CNTNAP2: variants seen among roughly 807,000 people sequenced by gnomAD.
The protein encoded by CNTNAP2 is contactin associated protein 2.
In CNTNAP2, 98 loss-of-function variants were observed where a neutral mutation model predicts 155.2. The ratio of observed to expected loss-of-function variants is 0.63; its 90% CI spans 0.54 to 0.75. CNTNAP2 has a LOEUF of 0.75. Ranked by LOEUF, CNTNAP2 falls within the 30% of genes least tolerant of loss-of-function variation. The probability of loss-of-function intolerance (pLI) is 0.00; values close to 1 mark genes in which losing one functional copy is unlikely to be tolerated. For synonymous variants in CNTNAP2, 651 were observed against 631.2 expected (o/e 1.03, Z -0.47); for missense variants, 1,727 against 1,688.1 (o/e 1.02, Z -0.40).
rs556036363 is a variant in CNTNAP2 at position 147,110,689 on chromosome 7, C to T, written c.754+2339C>T. ...TAGCCTCCAGCTCCATCCATGTGCC[C>T]GCAAAGGACAGGATCTCATTCCTTT... is the stretch of plus-strand genomic sequence containing the variant. On this transcript the variant is annotated intron_variant, in intron 5 of 23. Coordinates refer to ENST00000361727, the MANE Select transcript of CNTNAP2 (RefSeq NM_014141.6). Among the ~76,000 whole-genome samples the T allele has an allele frequency of 3.5e-4, 53 of 152,158 alleles. 1 individual carries two copies. The highest frequency in any genetic ancestry group is 1.0e-3 in the Admixed American group (16 of 15,282).
At chr7:146,445,425 ACCT>A (rs2129120897) in intron 1 of CNTNAP2, among the ~76,000 whole-genome samples, 1 of 152,324 alleles carries the variant, frequency 6.6e-6, no homozygotes, top group Non-Finnish European at 1.5e-5. Context: ...GAAACAGAAT[ACCT>A]TATATAATAG....
chr7:148,172,553 A>C, intron 18 of CNTNAP2, 75 bp downstream of exon 18: 1 of 1,283,376 alleles, frequency 7.8e-7, no homozygotes, highest in Non-Finnish European at 1.1e-6. Flanking sequence ...ATGATTTTTC[A>C]TATGTAAACA....
At chr7:147,572,643 C>T (rs1032507394) in intron 12 of CNTNAP2, among the ~76,000 whole-genome samples, 2 of 151,984 alleles carry the variant, frequency 1.3e-5, no homozygotes, top group African/African-American at 2.4e-5. Context: ...ACCTCTGGCA[C>T]TTGGAATCTG....
At chr7:146,424,876 A>C (rs1229853102) in intron 1 of CNTNAP2, among the ~76,000 whole-genome samples, 2 of 152,238 alleles carry the variant, frequency 1.3e-5, no homozygotes, top group African/African-American at 2.4e-5. Flanking sequence ...TACCCTATGT[A>C]GTCATTAAAA....
At chr7:146,872,630 C>A (rs1357505279) in intron 3 of CNTNAP2, among the ~76,000 whole-genome samples, 2 of 152,224 alleles carry the variant, frequency 1.3e-5, no homozygotes, top group East Asian at 3.9e-4. Flanking sequence ...TTGGATAGTG[C>A]ATGCTTAGCT....
At chr7:146,458,414 C>A (rs1464693205) in intron 1 of CNTNAP2, among the ~76,000 whole-genome samples, 1 of 152,022 alleles carries the variant, frequency 6.6e-6, no homozygotes, top group Non-Finnish European at 1.5e-5. Flanking sequence ...AATACGAAAA[C>A]CACGCAGGAA....
intron 8 of CNTNAP2, among the ~76,000 whole-genome samples, chr7:147,138,193 T>C (rs540819021): frequency 6.6e-6 from 1 of 151,984 alleles, no homozygotes; most frequent in Admixed American, 6.6e-5. Context: ...TCTGTATTCT[T>C]AGGGCGAAAA....
chr7:147,097,048 A>G (rs76659843), intron 4 of CNTNAP2, among the ~76,000 whole-genome samples: 7,154 of 152,292 alleles, frequency 0.047, 589 homozygotes, highest in African/African-American at 0.16. Context: ...TTGTTGTAAT[A>G]TATTGCACCA....
intron 1 of CNTNAP2, among the ~76,000 whole-genome samples, chr7:146,501,087 A>C (rs944578120): frequency 5.9e-5 from 9 of 151,688 alleles, no homozygotes; most frequent in African/African-American, 2.2e-4. Flanking sequence ...CTGGTGTATA[A>C]ATTTTTGTAT....
At chr7:147,685,112 T>C (rs1795998547) in intron 13 of CNTNAP2, among the ~76,000 whole-genome samples, 1 of 152,032 alleles carries the variant, frequency 6.6e-6, no homozygotes, top group Non-Finnish European at 1.5e-5. Context: ...TGTTTAAAGC[T>C]ATAAAAGCAA....
chr7:147,641,971 T>G (rs1420711697), intron 13 of CNTNAP2, among the ~76,000 whole-genome samples: 1 of 151,892 alleles, frequency 6.6e-6, no homozygotes, highest in African/African-American at 2.4e-5. Flanking sequence ...CACAACTCTT[T>G]TTTCTGTTCA....
At chr7:147,696,317 C>T (rs74777212) in intron 13 of CNTNAP2, among the ~76,000 whole-genome samples, 1 of 152,016 alleles carries the variant, frequency 6.6e-6, no homozygotes, top group Admixed American at 6.6e-5. Flanking sequence ...TGACTCTATC[C>T]TCTCTCTTTT....
intron 1 of CNTNAP2, among the ~76,000 whole-genome samples, chr7:146,628,490 G>C (rs907208449): frequency 1.3e-5 from 2 of 152,004 alleles, no homozygotes; most frequent in Non-Finnish European, 2.9e-5. Context: ...TGGATGTAAA[G>C]TATTGTCAAT....
chr7:146,524,697 C>T (rs1797662533), intron 1 of CNTNAP2, among the ~76,000 whole-genome samples: 1 of 152,120 alleles, frequency 6.6e-6, no homozygotes, highest in African/African-American at 2.4e-5. Context: ...TATCTCATCT[C>T]ATGTTATTTG....
chr7:147,329,728 A>T (rs1406275579), intron 9 of CNTNAP2, among the ~76,000 whole-genome samples: 1 of 151,082 alleles, frequency 6.6e-6, no homozygotes, highest in Non-Finnish European at 1.5e-5. Flanking sequence ...GTATATCTCA[A>T]TTTTTTTTTT....
chr7:147,751,417 AG>A (rs1797133470), intron 13 of CNTNAP2, among the ~76,000 whole-genome samples: 1 of 151,854 alleles, frequency 6.6e-6, no homozygotes, highest in African/African-American at 2.4e-5. Flanking sequence ...AAAGGAAATT[AG>A]TCTTTAAAAT....
chr7:146,540,059 A>T (rs1408939847), intron 1 of CNTNAP2, among the ~76,000 whole-genome samples: 1 of 152,048 alleles, frequency 6.6e-6, no homozygotes, highest in Non-Finnish European at 1.5e-5. Context: ...AGAGCACTGG[A>T]TAAGGCCAGG....
At chr7:148,107,564 A>G (rs1329340321) in intron 15 of CNTNAP2, among the ~76,000 whole-genome samples, 1 of 152,192 alleles carries the variant, frequency 6.6e-6, no homozygotes, top group East Asian at 1.9e-4. Context: ...TGAGGCCTAG[A>G]GCTGAACAAA....
chr7:147,989,069 G>A (rs1227576918), intron 15 of CNTNAP2, among the ~76,000 whole-genome samples: 2 of 152,204 alleles, frequency 1.3e-5, no homozygotes, highest in Admixed American at 6.5e-5. Flanking sequence ...TGAGTGGAAA[G>A]CTGAGAGGCC....
Sources: allele counts gnomAD v4.1 joint callset (sites outside exome capture counted in the v4.1 genomes callset), GRCh38; gene constraint gnomAD v4.1.1; transcripts MANE v1.5; gene names NCBI Gene and HGNC (gene_info 2026-07-23, HGNC 2026-07-21).